Variants in MIER1 observed in about 807,000 individuals in gnomAD.
The protein encoded by MIER1 is MIER1 transcriptional regulator, also known as mesoderm induction early response protein 1.
MIER1 carries 40 observed loss-of-function variants against 75.7 expected under a neutral mutation model. The ratio of observed to expected loss-of-function variants is 0.53; its 90% confidence interval spans 0.41 to 0.69. MIER1 has a LOEUF of 0.69. Among genes scored for constraint, MIER1 ranks in the 30% least tolerant of loss-of-function variants. MIER1 has a pLI of 0.00. For missense variants in MIER1, 574 were observed against 680.2 expected, an observed-to-expected ratio of 0.84 and a Z score of 1.74; for synonymous variants, 213 against 223.4, an observed-to-expected ratio of 0.95 and a Z score of 0.42.
intron 6 of MIER1, 33 bp downstream of exon 6, chr1:66,959,016 A>T: frequency 6.3e-7 from 1 of 1,578,076 alleles, no homozygotes; most frequent in South Asian, 1.1e-5. Context: ...ATTTGAATAT[A>T]ATTTTTACTA....
At chr1:66,934,627 A>G (rs1184387366) in intron 2 of MIER1, among the ~76,000 whole-genome samples, 2 of 147,398 alleles carry the variant, frequency 1.4e-5, no homozygotes, top group African/African-American at 2.5e-5. Context: ...ACTGGTCTCG[A>G]GCTTCTGGCC....
intron 3 of MIER1, among the ~76,000 whole-genome samples, chr1:66,943,589 C>A (rs954626247): frequency 1.3e-5 from 2 of 149,548 alleles, no homozygotes; most frequent in Non-Finnish European, 3.0e-5. Flanking sequence ...TTCCTCTTTT[C>A]TTCCTTTCTT....
At chr1:66,966,368 T>C (rs1377623209) in intron 8 of MIER1, among the ~76,000 whole-genome samples, 1 of 152,204 alleles carries the variant, frequency 6.6e-6, no homozygotes, top group Non-Finnish European at 1.5e-5. Context: ...CATAAACTCC[T>C]CCTTTTTGAT....
intron 3 of MIER1, among the ~76,000 whole-genome samples, chr1:66,945,299 A>G (rs201289524): frequency 0.71 from 96,869 of 136,216 alleles, 33,679 homozygotes; most frequent in South Asian, 0.84. Flanking sequence ...ATATATATAT[A>G]TATATATATA....
chr1:66,950,833 G>A (rs979892656), intron 4 of MIER1, among the ~76,000 whole-genome samples: 2 of 57,510 alleles, frequency 3.5e-5, no homozygotes, highest in African/African-American at 1.7e-4. Flanking sequence ...GTTACCTTAG[G>A]AACCATCTCT....
chr1:66,941,979 A>AAAAC (rs1656336813), intron 3 of MIER1, among the ~76,000 whole-genome samples: 1 of 151,800 alleles, frequency 6.6e-6, no homozygotes, highest in African/African-American at 2.4e-5. Context: ...TCAAAAAAAA[A>AAAAC]AAAAAAAACA....
At chr1:66,982,791 G>A (rs1666160347) in intron 13 of MIER1, among the ~76,000 whole-genome samples, 2 of 152,152 alleles carry the variant, frequency 1.3e-5, no homozygotes, top group African/African-American at 4.8e-5. Flanking sequence ...ACCCCTCTCT[G>A]TTCCCTCACT....
At chr1:66,973,295 C>T (rs894808778) in intron 11 of MIER1, among the ~76,000 whole-genome samples, 3 of 152,076 alleles carry the variant, frequency 2.0e-5, no homozygotes, top group African/African-American at 7.2e-5. Flanking sequence ...CTGTTTTCCA[C>T]AGTCTGTGAC....
intron 13 of MIER1, among the ~76,000 whole-genome samples, chr1:66,982,516 T>C (rs994602689): frequency 7.2e-5 from 11 of 152,240 alleles, no homozygotes; most frequent in African/African-American, 1.2e-4. Flanking sequence ...CAGAGATCAC[T>C]GTGCTGATCA....
intron 2 of MIER1, chr1:66,928,816 G>T: frequency 1.1e-6 from 1 of 935,692 alleles, no homozygotes. Context: ...TACAGTTAAT[G>T]GTAAAAATTG....
intron 4 of MIER1, 112 bp from the exon 5 acceptor site, chr1:66,957,947 C>T (rs1660497464): frequency 1.9e-6 from 1 of 539,840 alleles, no homozygotes; most frequent in South Asian, 6.3e-5. Flanking sequence ...GAATTCGTAA[C>T]ACAGCTTTTA....
At chr1:66,930,354 C>T (rs1171772073) in intron 2 of MIER1, 1 of 1,606,294 alleles carries the variant, frequency 6.2e-7, no homozygotes, top group East Asian at 2.3e-5. Flanking sequence ...GACCCAGCTG[C>T]GGCCGCCGCG....
chr1:66,930,266 A>G, intron 2 of MIER1: 1 of 1,538,008 alleles, frequency 6.5e-7, no homozygotes, highest in Admixed American at 1.9e-5. Context: ...GTTCCCGCCG[A>G]GGCAGTGGCG....
chr1:66,926,605 A>G (rs1651851215), intron 2 of MIER1, among the ~76,000 whole-genome samples: 1 of 152,214 alleles, frequency 6.6e-6, no homozygotes, highest in Admixed American at 6.5e-5. Context: ...TCCAAATGTA[A>G]TAGGCTAAGT....
chr1:66,953,166 C>G (rs1659354979), intron 4 of MIER1, among the ~76,000 whole-genome samples: 1 of 152,040 alleles, frequency 6.6e-6, no homozygotes, highest in South Asian at 2.1e-4. Flanking sequence ...GGTGAACTTT[C>G]AAGAAAAATA....
chr1:66,945,161 C>T (rs1657197962), intron 3 of MIER1, among the ~76,000 whole-genome samples: 1 of 151,874 alleles, frequency 6.6e-6, no homozygotes, highest in Non-Finnish European at 1.5e-5. Context: ...GTAAACCTCC[C>T]TCGGATACCA....
chr1:66,930,954 G>A (rs1475797763), intron 2 of MIER1, among the ~76,000 whole-genome samples: 2 of 152,036 alleles, frequency 1.3e-5, no homozygotes, highest in Admixed American at 6.5e-5. Context: ...CTCCAGGTTG[G>A]GGGGAGTCTG....
intron 1 of MIER1, chr1:66,925,412 C>A (rs532064910): frequency 3.0e-6 from 3 of 985,348 alleles, no homozygotes; most frequent in African/African-American, 3.5e-5. Flanking sequence ...TCGCTTCGGT[C>A]CCTGATCCCA....
chr1:66,933,203 C>G (rs1243730895), intron 2 of MIER1, among the ~76,000 whole-genome samples: 3 of 151,890 alleles, frequency 2.0e-5, no homozygotes, highest in Non-Finnish European at 4.4e-5. Context: ...TTACTAACTG[C>G]AAAAATAAGA....
Sources: gnomAD v4.1 joint callset for allele counts (sites outside exome capture counted in the v4.1 genomes callset) on GRCh38, gnomAD v4.1.1 for gene constraint, MANE v1.5 for transcripts, NCBI Gene and HGNC (gene_info 2026-07-23, HGNC 2026-07-21) for gene names.